TTK: variants seen among roughly 807,000 people sequenced by gnomAD.
The protein encoded by TTK is dual specificity protein kinase TTK.
TTK carries 59 observed loss-of-function variants against 117.3 expected under a neutral mutation model. The ratio of observed to expected loss-of-function variants is 0.50; its 90% CI spans 0.41 to 0.62. The LOEUF is 0.62. Among genes scored for constraint, TTK ranks in the 20% least tolerant of loss-of-function variants. TTK has a pLI of 0.00. For synonymous variants in TTK, 302 were observed against 325.0 expected, an observed-to-expected ratio of 0.93 and a Z score of 0.76; for missense variants, 921 against 989.4, an observed-to-expected ratio of 0.93 and a Z score of 0.93.
rs1767952942 is a variant in TTK at position 80,038,047 on chromosome 6, G to A, written c.2130G>A (p.Lys710=). 6.2e-7 allele frequency: 1 copy of A among 1,600,368 alleles called. No individual in the cohort carries two copies. Among genetic ancestry groups the A allele is most frequent in the Non-Finnish European group, 8.5e-7 (1 of 1,170,956 alleles). The change falls in exon 18 of 22, where the codon AAG becomes AAA. Residue 710 remains lysine, a splice_region_variant and synonymous_variant. Coordinates refer to ENST00000369798, the MANE Select transcript of TTK (RefSeq NM_003318.5). Reference sequence around the variant, plus strand: ...GAGAGAATGGGAAATCTAAGTCAAAGGTACTGAAAAGATTATTTACATCAC... The same window carrying A: ...GAGAGAATGGGAAATCTAAGTCAAAAGTACTGAAAAGATTATTTACATCAC... The part of the protein sequence containing the change: ...SSRENGKSKS[K]ISPKSDVWSL...
At chr6:80,007,236 A>G (rs1006035936) in intron 2 of TTK, among the ~76,000 whole-genome samples, 2 of 152,148 alleles carry the variant, frequency 1.3e-5, no homozygotes, top group African/African-American at 2.4e-5. Context: ...GCAGAAATTT[A>G]GGTTACTTGG....
chr6:80,019,240 C>A (rs1015730052), intron 10 of TTK, among the ~76,000 whole-genome samples: 3 of 152,084 alleles, frequency 2.0e-5, no homozygotes, highest in Non-Finnish European at 4.4e-5. Flanking sequence ...AACTAGAGGT[C>A]TTGTAACTGA....
chr6:80,037,987 G>A lies in TTK; in HGVS notation c.2070G>A (p.Met690Ile). The A allele has an allele frequency of 1.2e-6, 2 of 1,608,420 alleles. No homozygotes were observed. Among genetic ancestry groups the A allele is most frequent in the Non-Finnish European group, 1.7e-6 (2 of 1,176,916 alleles). ...KDSQVGTVNY[M>I]PPEAIKDMSS... ...TATAGGTTGGCACAGTTAATTATAT[G>A]CCACCAGAAGCAATCAAAGATATGT... is the stretch of plus-strand genomic sequence containing the variant. Residue 690 changes from methionine to isoleucine, a missense_variant, in exon 18 of 22, where the codon ATG (methionine) becomes ATA (isoleucine). Met to Ile is a conservative substitution (Grantham distance 10, BLOSUM62 1). Coordinates refer to ENST00000369798, the MANE Select transcript of TTK (RefSeq NM_003318.5).
intron 19 of TTK, 66 bp from the exon 20 acceptor site, chr6:80,040,130 T>C: frequency 8.1e-7 from 1 of 1,238,500 alleles, no homozygotes; most frequent in Non-Finnish European, 1.1e-6. Flanking sequence ...TCTGGAAAAA[T>C]ACTTTATCAA....
In TTK at chr6:80,027,943, T is replaced by C; in HGVS notation, c.1453T>C (p.Tyr485His). The C allele has an allele frequency of 1.2e-6, 2 of 1,609,124 alleles. No homozygotes were observed. Among genetic ancestry groups the C allele is most frequent in the Non-Finnish European group, 8.5e-7 (1 of 1,177,130 alleles). ...FPPACQLSTPYGQPACFQQQQ... is the reference protein window; with the variant it reads ...FPPACQLSTPHGQPACFQQQQ... The stretch of plus-strand genomic sequence containing the variant: ...ACCTGCTTGTCAGTTGTCAACACCT[T>C]ATGGCCAACCTGCCTGTTTCCAGCA... Residue 485 changes from tyrosine to histidine, a missense_variant, in exon 13 of 22, where the codon TAT (tyrosine) becomes CAT (histidine). Tyr to His is a moderately conservative substitution (Grantham distance 83, BLOSUM62 2). Transcript: ENST00000369798.
intron 11 of TTK, 142 bp from the exon 12 acceptor site, chr6:80,026,236 G>GTA (rs1767600220): frequency 1.2e-6 from 1 of 827,370 alleles, no homozygotes; most frequent in Non-Finnish European, 1.7e-6. Context: ...AGTCTAAAAT[G>GTA]TATATATATG....
intron 11 of TTK, among the ~76,000 whole-genome samples, chr6:80,025,726 C>G (rs1767587370): frequency 6.6e-6 from 1 of 152,142 alleles, no homozygotes; most frequent in African/African-American, 2.4e-5. Flanking sequence ...TCTAATAAAA[C>G]TTTGTTTACA....
chr6:80,014,843 T>C (rs1167473809), intron 10 of TTK, among the ~76,000 whole-genome samples: 1 of 152,086 alleles, frequency 6.6e-6, no homozygotes, highest in Non-Finnish European at 1.5e-5. Context: ...CTCAGTTGGC[T>C]TGACAAATAC....
intron 8 of TTK, among the ~76,000 whole-genome samples, chr6:80,013,012 G>T (rs1767201685): frequency 6.6e-6 from 1 of 152,040 alleles, no homozygotes. Flanking sequence ...CTTTCCCACA[G>T]TCTAACCCTA....
chr6:80,023,456 G>C (rs971821703), intron 11 of TTK, among the ~76,000 whole-genome samples: 1 of 152,074 alleles, frequency 6.6e-6, no homozygotes, highest in Non-Finnish European at 1.5e-5. Flanking sequence ...AGCCGGGTGT[G>C]GTGGTGGGCG....
At chr6:80,036,137 G>C (rs1036373382) in intron 16 of TTK, among the ~76,000 whole-genome samples, 1 of 152,042 alleles carries the variant, frequency 6.6e-6, no homozygotes, top group Non-Finnish European at 1.5e-5. Context: ...AAGCCAGACT[G>C]TCTGGCTTCA....
rs142715707 is a variant in TTK, at chr6:80,022,355, A to C, written c.1140A>C (p.Pro380=). Reference sequence around the variant, plus strand: ...AAGAGTATCAAGAACCAGAGGTTCCAGAGAGTAACCAGAAACAGTGGCAAT... The same window carrying C: ...AAGAGTATCAAGAACCAGAGGTTCCCGAGAGTAACCAGAAACAGTGGCAAT... ...ETKEYQEPEV[P]ESNQKQWQSK... Residue 380 remains proline, a synonymous_variant, in exon 11 of 22, where the codon CCA becomes CCC. Coordinates refer to ENST00000369798, the MANE Select transcript of TTK (RefSeq NM_003318.5). 6.2e-7 allele frequency: 1 copy of C among 1,613,550 alleles called. No homozygotes were observed. The highest frequency in any genetic ancestry group is 8.5e-7 in the Non-Finnish European group (1 of 1,179,902).
chr6:80,028,691 T>C (rs1362207351), intron 13 of TTK, among the ~76,000 whole-genome samples: 1 of 152,208 alleles, frequency 6.6e-6, no homozygotes, highest in Non-Finnish European at 1.5e-5. Flanking sequence ...ACAATTCATT[T>C]GGAAATGTAA....
intron 16 of TTK, 94 bp downstream of exon 16, chr6:80,035,511 T>C (rs1767882761): frequency 7.9e-7 from 1 of 1,262,256 alleles, no homozygotes; most frequent in Non-Finnish European, 1.1e-6. Flanking sequence ...GCATTGGTTA[T>C]TGGTGTCTTT....
intron 8 of TTK, among the ~76,000 whole-genome samples, chr6:80,012,897 G>C (rs944973237): frequency 1.3e-5 from 2 of 152,010 alleles, no homozygotes; most frequent in African/African-American, 4.8e-5. Flanking sequence ...TCCTGTTATC[G>C]ATAGACAATG....
chr6:80,006,656 C>G (rs955884555), intron 2 of TTK, among the ~76,000 whole-genome samples: 2 of 152,060 alleles, frequency 1.3e-5, no homozygotes, highest in Non-Finnish European at 2.9e-5. Flanking sequence ...CATGATAAAA[C>G]ACAAATGTTT....
chr6:80,008,545 C>A, intron 4 of TTK, 53 bp downstream of exon 4: 1 of 1,460,582 alleles, frequency 6.8e-7, no homozygotes, highest in South Asian at 1.3e-5. Flanking sequence ...CTTATTACAA[C>A]TTACTTCCTA....
Position 80,026,434 on chromosome 6 carries a change from A to G in TTK, c.1314A>G (p.Pro438=). 6.2e-7 allele frequency: 1 copy of G among 1,613,920 alleles called. No individual in the cohort carries two copies. The highest frequency in any genetic ancestry group is 8.5e-7 in the Non-Finnish European group (1 of 1,179,894). ...PVFSVSKQSP[P]ISTSKWFDPK... ...TTTCAGTTTCAAAACAGTCACCACCAATATCAACATCTAAATGGTTTGACC... is the reference window on the plus strand; with the variant it reads ...TTTCAGTTTCAAAACAGTCACCACCGATATCAACATCTAAATGGTTTGACC... The change falls in exon 12 of 22, where the codon CCA becomes CCG. Residue 438 remains proline (P), a synonymous_variant. Transcript: ENST00000369798.
Position 80,014,602 on chromosome 6 carries a change from TC to T in TTK, c.1108+17del. The T allele has an allele frequency of 6.3e-7, 1 of 1,581,492 alleles. No homozygotes were observed. The highest frequency in any genetic ancestry group is 8.6e-7 in the Non-Finnish European group (1 of 1,167,220). The stretch of plus-strand genomic sequence containing the variant: ...AAATTAGAAGGTAAGAGTAACAAAA[TC>T]AGTAGACTTGTATGTTTAGTTAAGA... On this transcript the variant is annotated intron_variant, in intron 10 of 21. Coordinates refer to ENST00000369798, the MANE Select transcript of TTK (RefSeq NM_003318.5).
Sources: allele counts gnomAD v4.1 joint callset (sites outside exome capture counted in the v4.1 genomes callset), GRCh38; gene constraint gnomAD v4.1.1; transcripts MANE v1.5; gene names NCBI Gene and HGNC (gene_info 2026-07-23, HGNC 2026-07-21).